TMEM132D: variants seen among roughly 807,000 people sequenced by gnomAD.
The protein encoded by TMEM132D is mature OL transmembrane protein.
TMEM132D carries 21 observed loss-of-function variants against 62.3 expected under a neutral mutation model. The observed-to-expected ratio is 0.34, with a 90% CI of 0.24 to 0.49. The LOEUF (loss-of-function observed/expected upper bound fraction) is 0.49. TMEM132D is among the 20% of genes least tolerant of loss of function. The pLI, the probability that TMEM132D is intolerant of heterozygous loss-of-function variation, is 0.99. For missense variants in TMEM132D, 1,346 were observed against 1,402.8 expected (o/e 0.96, Z 0.65); for synonymous variants, 621 against 575.6 (o/e 1.08, Z -1.13).
At chr12:129,697,153 C>T (rs763601800) in intron 2 of TMEM132D, among the ~76,000 whole-genome samples, 1 of 152,124 alleles carries the variant, frequency 6.6e-6, no homozygotes, top group Non-Finnish European at 1.5e-5. Flanking sequence ...GTAGCTGCTG[C>T]GTCAGTCCAT....
At chr12:129,808,587 G>A (rs1351768417) in intron 1 of TMEM132D, among the ~76,000 whole-genome samples, 2 of 152,192 alleles carry the variant, frequency 1.3e-5, no homozygotes, top group Admixed American at 6.5e-5. Context: ...GCATTGAAAC[G>A]TATAAAGCAA....
intron 2 of TMEM132D, among the ~76,000 whole-genome samples, chr12:129,545,370 T>G (rs951482440): frequency 1.3e-5 from 2 of 152,218 alleles, no homozygotes; most frequent in African/African-American, 2.4e-5. Context: ...TTTTTAAATG[T>G]TTTAATCATT....
At chr12:129,768,004 G>T (rs865935655) in intron 1 of TMEM132D, among the ~76,000 whole-genome samples, 8 of 152,030 alleles carry the variant, frequency 5.3e-5, no homozygotes, top group African/African-American at 1.9e-4. Context: ...ATCAGATCTT[G>T]TAAGACTTAT....
chr12:129,422,397 A>T (rs1872354493), intron 3 of TMEM132D, among the ~76,000 whole-genome samples: 1 of 152,204 alleles, frequency 6.6e-6, no homozygotes, highest in African/African-American at 2.4e-5. Flanking sequence ...AGAGGATGTC[A>T]ATGGGCAAGT....
In TMEM132D at chr12:129,700,306, C is replaced by A; in HGVS notation, c.472G>T (p.Asp158Tyr). 1 of 1,613,776 alleles carries A rather than the reference C, an allele frequency of 6.2e-7. No individual in the cohort carries two copies. Among genetic ancestry groups the A allele is most frequent in the South Asian group, 1.1e-5 (1 of 91,088 alleles). The change falls in exon 2 of 9, where the codon GAC becomes TAC. Residue 158 changes from aspartate (D) to tyrosine (Y), a missense_variant. By Grantham distance (160) the Asp-to-Tyr change is radical (BLOSUM62 -3). Coordinates refer to ENST00000422113, the MANE Select transcript of TMEM132D (RefSeq NM_133448.3). ...GGCAGCTTCTCCCCGGCGCTGCGGT[C>A]GTCCCAGTCTCTGCCCATGATGTGG... ...LFHIMGRDWD[D>Y]RSAGEKLPCL...
intron 1 of TMEM132D, among the ~76,000 whole-genome samples, chr12:129,723,775 T>G (rs558512462): frequency 6.6e-6 from 1 of 152,324 alleles, no homozygotes; most frequent in Admixed American, 6.5e-5. Flanking sequence ...GAAGCTGTGG[T>G]CAGTTCTGTC....
chr12:129,797,171 G>T (rs1271042141), intron 1 of TMEM132D, among the ~76,000 whole-genome samples: 1 of 152,276 alleles, frequency 6.6e-6, no homozygotes, highest in Non-Finnish European at 1.5e-5. Flanking sequence ...TCGCGGGAGG[G>T]TGGCAATGGC....
At chr12:129,591,301 A>G (rs1482049147) in intron 2 of TMEM132D, among the ~76,000 whole-genome samples, 2 of 152,180 alleles carry the variant, frequency 1.3e-5, no homozygotes, top group Non-Finnish European at 2.9e-5. Flanking sequence ...CATCCCTTGT[A>G]TCGGAGGATG....
At chr12:129,696,829 A>C (rs1032837908) in intron 2 of TMEM132D, among the ~76,000 whole-genome samples, 2 of 152,210 alleles carry the variant, frequency 1.3e-5, no homozygotes, top group Non-Finnish European at 2.9e-5. Context: ...TCTGGGATTG[A>C]ATGAGATCGT....
At chr12:129,636,787 G>C (rs1879495160) in intron 2 of TMEM132D, among the ~76,000 whole-genome samples, 1 of 147,968 alleles carries the variant, frequency 6.8e-6, no homozygotes, top group African/African-American at 2.5e-5. Flanking sequence ...ATATCAATTT[G>C]GTTCAAAAGA....
intron 2 of TMEM132D, among the ~76,000 whole-genome samples, chr12:129,638,057 C>A (rs917108886): frequency 6.6e-6 from 1 of 152,150 alleles, no homozygotes; most frequent in African/African-American, 2.4e-5. Flanking sequence ...TCACTCCCTG[C>A]ACAATTTCTG....
chr12:129,140,469 C>G (rs1876707145), intron 5 of TMEM132D, among the ~76,000 whole-genome samples: 1 of 152,088 alleles, frequency 6.6e-6, no homozygotes, highest in Non-Finnish European at 1.5e-5. Flanking sequence ...TAGTTTTATT[C>G]TTTTCTAGCA....
chr12:129,153,854 G>T (rs1877150529), intron 5 of TMEM132D, among the ~76,000 whole-genome samples: 1 of 152,086 alleles, frequency 6.6e-6, no homozygotes, highest in Non-Finnish European at 1.5e-5. Flanking sequence ...TCTCATTTCG[G>T]CTGGGAATCA....
At chr12:129,312,704 G>A (rs1367663783) in intron 4 of TMEM132D, among the ~76,000 whole-genome samples, 1 of 152,094 alleles carries the variant, frequency 6.6e-6, no homozygotes, top group East Asian at 1.9e-4. Flanking sequence ...CTGAGTAGCT[G>A]GGACTACAGG....
chr12:129,293,236 C>T (rs1881493051), intron 4 of TMEM132D, among the ~76,000 whole-genome samples: 2 of 152,252 alleles, frequency 1.3e-5, no homozygotes, highest in South Asian at 4.1e-4. Flanking sequence ...AGTCAGTTCA[C>T]CATGTAGGTG....
At chr12:129,213,525 C>CA (rs1183785739) in intron 4 of TMEM132D, among the ~76,000 whole-genome samples, 2 of 151,576 alleles carry the variant, frequency 1.3e-5, no homozygotes, top group Admixed American at 1.3e-4. Context: ...CAAAACAAAA[C>CA]AAAAAAACCT....
At chr12:129,172,727 C>A (rs576579020) in intron 5 of TMEM132D, among the ~76,000 whole-genome samples, 2 of 152,278 alleles carry the variant, frequency 1.3e-5, no homozygotes, top group Non-Finnish European at 2.9e-5. Flanking sequence ...TACAGGCATG[C>A]ACCACCACAC....
intron 3 of TMEM132D, among the ~76,000 whole-genome samples, chr12:129,405,204 G>A (rs1393796044): frequency 6.6e-6 from 1 of 152,132 alleles, no homozygotes; most frequent in African/African-American, 2.4e-5. Context: ...TGCTGATTTG[G>A]CTCCTGGTGA....
At chr12:129,862,067 A>C (rs1199715238) in intron 1 of TMEM132D, among the ~76,000 whole-genome samples, 2 of 152,016 alleles carry the variant, frequency 1.3e-5, no homozygotes, top group African/African-American at 4.8e-5. Flanking sequence ...CTAGCCTCCA[A>C]ATTCTCTGGG....
Sources: gnomAD v4.1 joint callset for allele counts (sites outside exome capture counted in the v4.1 genomes callset) on GRCh38, gnomAD v4.1.1 for gene constraint, MANE v1.5 for transcripts, NCBI Gene and HGNC (gene_info 2026-07-23, HGNC 2026-07-21) for gene names.